DNAH11: variants seen among roughly 807,000 people sequenced by gnomAD.
The protein encoded by DNAH11 is axonemal beta dynein heavy chain 11.
In DNAH11, 442 loss-of-function variants were observed where a neutral mutation model predicts 526.0. The observed-to-expected ratio is 0.84, with a 90% CI of 0.78 to 0.91. The LOEUF is 0.91. DNAH11 is among the 40% of genes least tolerant of loss of function. The pLI is 0.00. For synonymous variants in DNAH11, 2,461 were observed against 1,935.9 expected (o/e 1.27, Z -7.12); for missense variants, 6,989 against 5,448.7 (o/e 1.28, Z -8.90).
In DNAH11 at chr7:21,831,151, C is replaced by G. The variant is rs140973428; in HGVS notation, c.10692-11393C>G. Among the ~76,000 whole-genome samples the G allele has an allele frequency of 4.1e-3, 629 of 152,318 alleles. 7 individuals carry two copies. The highest frequency in any genetic ancestry group is 0.014 in the African/African-American group (595 of 41,584). On this transcript the variant is annotated intron_variant, in intron 65 of 81. Coordinates refer to ENST00000409508, the MANE Select transcript of DNAH11 (RefSeq NM_001277115.2). ...AACCTCTGTTTTAAGAAAGTAGCCACACTTCCAAATTTTATGTTGCTCTTC... is the reference window on the plus strand; with the variant it reads ...AACCTCTGTTTTAAGAAAGTAGCCAGACTTCCAAATTTTATGTTGCTCTTC...
rs35121910 is a variant in DNAH11, at chr7:21,553,070, A to ATT, written c.496-5709_496-5708dup. 2.3e-3 allele frequency among the ~76,000 whole-genome samples: 153 copies of ATT among 66,762 alleles called. 2 individuals are homozygous for ATT. Among genetic ancestry groups the ATT allele is most frequent in the African/African-American group, 9.2e-3 (126 of 13,714 alleles). The allele number at this position is 66,762 out of a possible 152,430, so 43.8% of individuals were successfully genotyped here. A position where few individuals can be genotyped will look rare whatever the true frequency, so the allele number is the denominator to read the frequency against. The stretch of plus-strand genomic sequence containing the variant: ...ATTTTCTCCCTTCAGTATAAATGGG[A>ATT]TTTTTTTTTTTTTTTTTTTTTTTTG... On this transcript the variant is annotated intron_variant, in intron 2 of 81. Coordinates refer to ENST00000409508, the MANE Select transcript of DNAH11 (RefSeq NM_001277115.2).
At chr7:21,852,436 C>A (rs1399261304) in intron 66 of DNAH11, 31 bp from the exon 67 acceptor site, 7 of 1,576,466 alleles carry the variant, frequency 4.4e-6, no homozygotes, top group Non-Finnish European at 5.2e-6. Context: ...ACTTAACCAC[C>A]ATTTCCCACA....
At chr7:21,812,232 G>A (rs949368431) in intron 63 of DNAH11, among the ~76,000 whole-genome samples, 1 of 152,192 alleles carries the variant, frequency 6.6e-6, no homozygotes, top group African/African-American at 2.4e-5. Flanking sequence ...TGGGGAAATA[G>A]ATTGGAGATT....
At chr7:21,816,764 A>T in intron 64 of DNAH11, 62 bp downstream of exon 64, 2 of 1,413,380 alleles carry the variant, frequency 1.4e-6, no homozygotes, top group Non-Finnish European at 2.0e-6. Flanking sequence ...TCTGATTTTT[A>T]TAAAGGCGTG....
intron 79 of DNAH11, among the ~76,000 whole-genome samples, chr7:21,898,948 C>G (rs1322782110): frequency 6.6e-6 from 1 of 152,212 alleles, no homozygotes; most frequent in African/African-American, 2.4e-5. Context: ...CCATCACAGC[C>G]TTGCCATCCC....
At chr7:21,735,214 AT>A in intron 45 of DNAH11, among the ~76,000 whole-genome samples, 1 of 152,316 alleles carries the variant, frequency 6.6e-6, no homozygotes, top group South Asian at 2.1e-4. Flanking sequence ...CCCGATTTTC[AT>A]TTGTGTGTGG....
intron 62 of DNAH11, among the ~76,000 whole-genome samples, chr7:21,806,629 G>T (rs926639599): frequency 1.3e-5 from 2 of 152,140 alleles, no homozygotes; most frequent in Non-Finnish European, 2.9e-5. Context: ...CTTTCATGGG[G>T]AAAGCAAAAT....
intron 71 of DNAH11, among the ~76,000 whole-genome samples, chr7:21,867,525 A>G (rs1007023411): frequency 6.6e-6 from 1 of 152,208 alleles, no homozygotes; most frequent in Admixed American, 6.5e-5. Flanking sequence ...TGGCAAATCT[A>G]ATGAACTGTT....
chr7:21,627,568 G>T (rs556006781), intron 25 of DNAH11, among the ~76,000 whole-genome samples: 3 of 152,242 alleles, frequency 2.0e-5, no homozygotes, highest in Non-Finnish European at 4.4e-5. Context: ...TGGCACCTTA[G>T]TTGAAAATTA....
intron 45 of DNAH11, among the ~76,000 whole-genome samples, chr7:21,731,958 T>C (rs1404623430): frequency 3.3e-5 from 5 of 152,228 alleles, no homozygotes; most frequent in Non-Finnish European, 7.3e-5. Context: ...GTGTACCTAA[T>C]TTATAAATTA....
intron 73 of DNAH11, 134 bp downstream of exon 73, chr7:21,869,125 G>T (rs1249725460): frequency 1.5e-5 from 20 of 1,298,540 alleles, no homozygotes; most frequent in Admixed American, 1.0e-4. Context: ...AGTACTGTCA[G>T]TGTTCATGAT....
chr7:21,859,462 T>C (rs1279868090), intron 68 of DNAH11, among the ~76,000 whole-genome samples: 4 of 152,222 alleles, frequency 2.6e-5, no homozygotes, highest in South Asian at 2.1e-4. Flanking sequence ...AGACATCTCA[T>C]TGTGTATTTG....
At position 21,588,103 on chromosome 7, in the gene DNAH11, G is replaced by A. The variant is rs371748491; in HGVS notation, c.1750G>A (p.Val584Ile). The change falls in exon 10 of 82, where the codon GTC (valine) becomes ATC (isoleucine). Residue 584 changes from valine to isoleucine, a missense_variant. Physicochemically the swap from Val to Ile is conservative, Grantham distance 29. Coordinates refer to ENST00000409508, the MANE Select transcript of DNAH11 (RefSeq NM_001277115.2). ...IFGNFLEKPV[V>I]MEIFSLHYST... ...TGGAAATTTTCTAGAGAAGCCAGTT[G>A]TCATGGAAATTTTCAGCCTACATTA... 2.9e-5 allele frequency: 46 copies of A among 1,613,294 alleles called. No individual in the cohort carries two copies. The highest frequency in any genetic ancestry group is 3.9e-5 in the Non-Finnish European group (46 of 1,179,668).
chr7:21,722,094 T>C (rs1036620857), intron 44 of DNAH11, among the ~76,000 whole-genome samples: 1 of 152,220 alleles, frequency 6.6e-6, no homozygotes, highest in African/African-American at 2.4e-5. Context: ...GTGGGAATTA[T>C]TCAACTTTAG....
chr7:21,844,651 C>G (rs1280442106), intron 66 of DNAH11, among the ~76,000 whole-genome samples: 3 of 152,166 alleles, frequency 2.0e-5, no homozygotes, highest in Non-Finnish European at 4.4e-5. Flanking sequence ...TCACCATCAG[C>G]TGGTGCTGAT....
At chr7:21,767,677 C>T (rs1051327643) in intron 55 of DNAH11, among the ~76,000 whole-genome samples, 2 of 152,156 alleles carry the variant, frequency 1.3e-5, no homozygotes, top group Middle Eastern at 3.2e-3. Context: ...TTAACTTTCC[C>T]ACCTTCCTAA....
intron 6 of DNAH11, 96 bp downstream of exon 6, chr7:21,564,493 C>T: frequency 1.2e-6 from 1 of 804,750 alleles, no homozygotes; most frequent in Non-Finnish European, 1.8e-6. Flanking sequence ...AGTAAGAACA[C>T]CATCTTTCTT....
chr7:21,792,461 G>T (rs141628899), intron 61 of DNAH11, among the ~76,000 whole-genome samples: 158 of 152,260 alleles, frequency 1.0e-3, no homozygotes, highest in African/African-American at 3.7e-3. Context: ...TTTTGAAAAA[G>T]TTTGAGTAGA....
chr7:21,754,951 C>G (rs536358036), intron 54 of DNAH11, among the ~76,000 whole-genome samples: 1 of 152,288 alleles, frequency 6.6e-6, no homozygotes, highest in East Asian at 1.9e-4. Flanking sequence ...ATGATATTCA[C>G]CAGTGTGTAC....
Sources: gnomAD v4.1 joint callset for allele counts (sites outside exome capture counted in the v4.1 genomes callset) on GRCh38, gnomAD v4.1.1 for gene constraint, MANE v1.5 for transcripts, NCBI Gene and HGNC (gene_info 2026-07-23, HGNC 2026-07-21) for gene names.